The following SCARA3 variants were observed in gnomAD, a reference collection of about 807,000 sequenced individuals.
SCARA3 encodes scavenger receptor class A member 3.
SCARA3 carries 39 observed loss-of-function variants against 47.0 expected under a neutral mutation model. That is an observed-to-expected ratio of 0.83 (90% CI 0.64 to 1.08). The LOEUF (loss-of-function observed/expected upper bound fraction) is 1.08, where lower values mean the gene tolerates loss of function less well. Ranked by LOEUF, SCARA3 falls within the 50% of genes least tolerant of loss-of-function variation. The pLI is 0.00. For missense variants in SCARA3, 724 were observed against 792.3 expected (o/e 0.91, Z 1.04); for synonymous variants, 356 against 334.1 (o/e 1.07, Z -0.71).
At chr8:27,720,962 A>T in the SCARA3 span, among the ~76,000 whole-genome samples, 1 of 151,900 alleles carries the variant, frequency 6.6e-6, no homozygotes. Context: ...CTATTTATCC[A>T]TCCATCCATC....
At chr8:27,657,164 T>C (rs191188452) in intron 4 of SCARA3, among the ~76,000 whole-genome samples, 4 of 152,190 alleles carry the variant, frequency 2.6e-5, no homozygotes, top group Admixed American at 2.0e-4. Context: ...ATTCCCAAAA[T>C]AGCCTCATGC....
chr8:27,661,727 C>G (rs1239445981), intron 5 of SCARA3, among the ~76,000 whole-genome samples: 1 of 152,210 alleles, frequency 6.6e-6, no homozygotes, highest in African/African-American at 2.4e-5. Context: ...TTGTCTTCAG[C>G]AGGCCCCTCA....
chr8:27,717,600 C>T, the SCARA3 span, among the ~76,000 whole-genome samples: 2 of 152,160 alleles, frequency 1.3e-5, no homozygotes, highest in Non-Finnish European at 1.5e-5. Flanking sequence ...AACTGGCCAA[C>T]ATGGCTTAAC....
chr8:27,690,784 T>C, the SCARA3 span, among the ~76,000 whole-genome samples: 1 of 152,098 alleles, frequency 6.6e-6, no homozygotes, highest in Non-Finnish European at 1.5e-5. Context: ...TAGCCTCAAA[T>C]TCCTGGGCTC....
the SCARA3 span, among the ~76,000 whole-genome samples, chr8:27,729,172 T>C: frequency 6.6e-6 from 1 of 152,208 alleles, no homozygotes; most frequent in African/African-American, 2.4e-5. Context: ...CAGAGCATTG[T>C]TGAAGAAAGT....
At chr8:27,720,265 C>T in the SCARA3 span, among the ~76,000 whole-genome samples, 818 of 144,416 alleles carry the variant, frequency 5.7e-3, 9 homozygotes, top group African/African-American at 0.019. Flanking sequence ...CTGTCTCTGC[C>T]CAAGATCAGG....
At position 27,672,618 on chromosome 8, in the gene SCARA3, G is replaced by A. The variant is rs1585301116; in HGVS notation, c.*1267G>A. 23 of 985,660 alleles carry A rather than the reference G, an allele frequency of 2.3e-5. No homozygotes were observed. The highest frequency in any genetic ancestry group is 2.8e-5 in the Non-Finnish European group (23 of 830,118). The allele number at this position is 985,660 out of a possible 1,614,324, so 61.1% of individuals were successfully genotyped here. On this transcript the variant is annotated 3_prime_UTR_variant, in exon 6 of 6. Transcript: ENST00000301904. ...GCATGGGCAGCCAGCTGGACTAGGA[G>A]TGGGAAGGGCCTGGACACTCACAGA...
At chr8:27,648,031 C>G (rs367605893) in intron 1 of SCARA3, among the ~76,000 whole-genome samples, 1 of 152,236 alleles carries the variant, frequency 6.6e-6, no homozygotes, top group Non-Finnish European at 1.5e-5. Flanking sequence ...ATGTACCACC[C>G]TCTTCTTGTC....
chr8:27,683,040 C>A, the SCARA3 span, among the ~76,000 whole-genome samples: 1 of 151,664 alleles, frequency 6.6e-6, no homozygotes, highest in East Asian at 1.9e-4. Context: ...AAAAAACACA[C>A]AAAAAACAAA....
the SCARA3 span, among the ~76,000 whole-genome samples, chr8:27,710,892 C>T: frequency 1.4e-5 from 2 of 146,566 alleles, no homozygotes; most frequent in African/African-American, 5.0e-5. Context: ...GATATGATTT[C>T]GAGCAAGAAT....
At chr8:27,661,919 C>T (rs1281361859) in intron 5 of SCARA3, among the ~76,000 whole-genome samples, 28 of 152,194 alleles carry the variant, frequency 1.8e-4, no homozygotes, top group Non-Finnish European at 1.2e-4. Context: ...TCCTTACTTC[C>T]ATTGTGGAGT....
At chr8:27,733,277 A>G in the SCARA3 span, 66,006 of 152,036 alleles carry the variant, frequency 0.43, 14,594 homozygotes, top group East Asian at 0.63. Context: ...TGGAACTTGC[A>G]GGAGAAAATA....
At chr8:27,710,550 G>A in the SCARA3 span, among the ~76,000 whole-genome samples, 3 of 152,090 alleles carry the variant, frequency 2.0e-5, no homozygotes, top group Non-Finnish European at 2.9e-5. Context: ...ATCACCCCAT[G>A]GCCGCACGTC....
intron 2 of SCARA3, 87 bp from the exon 3 acceptor site, chr8:27,651,421 C>A: frequency 6.7e-7 from 1 of 1,497,626 alleles, no homozygotes; most frequent in Non-Finnish European, 9.0e-7. Context: ...TGTGATGAGA[C>A]AGACCAGAGC....
At chr8:27,679,981 C>T (rs1444011774), downstream of SCARA3, 3 of 151,516 alleles carry the variant, frequency 2.0e-5, no homozygotes, top group African/African-American at 4.9e-5. Flanking sequence ...TCTAAATAAC[C>T]ATAGATCAGA....
rs570744871 is a variant in SCARA3, at chr8:27,669,225, C to T, written c.1370-1675C>T. On this transcript the variant is annotated intron_variant, in intron 5 of 5. Coordinates refer to ENST00000301904, the MANE Select transcript of SCARA3 (RefSeq NM_016240.3). ...CATGGAGCTGCAGGGCCCTTGGAAG[C>T]TGAGTGAGCACGCAATTTTGTGGAT... 2.0e-5 allele frequency among the ~76,000 whole-genome samples: 3 copies of T among 152,258 alleles called. No homozygotes were observed. In the South Asian group the frequency reaches 6.2e-4, roughly 32 times the overall value.
the SCARA3 span, among the ~76,000 whole-genome samples, chr8:27,711,754 C>T: frequency 6.6e-6 from 1 of 151,968 alleles, no homozygotes; most frequent in Admixed American, 6.5e-5. Context: ...TTAAAATAGA[C>T]CTTTTTTAGA....
At chr8:27,716,367 C>G in the SCARA3 span, among the ~76,000 whole-genome samples, 1 of 151,788 alleles carries the variant, frequency 6.6e-6, no homozygotes, top group Non-Finnish European at 1.5e-5. Context: ...GAAGAAATGA[C>G]TGGTCCCAGA....
rs1382575912 is a variant in SCARA3, at chr8:27,671,010, C to T, written c.1480C>T (p.Pro494Ser). 3.1e-6 allele frequency: 5 copies of T among 1,611,010 alleles called. No homozygotes were observed. The Admixed American group carries it at 6.7e-5, about 22-fold the overall frequency. Residue 494 changes from proline (P) to serine (S), a missense_variant, in exon 6 of 6, where the codon CCC becomes TCC. Pro to Ser is a moderately conservative substitution (Grantham distance 74). Coordinates refer to ENST00000301904, the MANE Select transcript of SCARA3 (RefSeq NM_016240.3). ...GDPGSLGPLGPQGPQGQPGEA... is the reference protein window; with the variant it reads ...GDPGSLGPLGSQGPQGQPGEA... The stretch of plus-strand genomic sequence containing the variant: ...CCCCGGCAGCTTGGGCCCCCTGGGA[C>T]CCCAGGGTCCTCAGGGGCAACCTGG...
Sources: allele counts gnomAD v4.1 joint callset (sites outside exome capture counted in the v4.1 genomes callset), GRCh38; gene constraint gnomAD v4.1.1; transcripts MANE v1.5; gene names NCBI Gene and HGNC (gene_info 2026-07-23, HGNC 2026-07-21).